The following DDX46 variants were observed in gnomAD, a reference collection of about 807,000 sequenced individuals.
The protein encoded by DDX46 is DEAD-box helicase 46, also known as probable ATP-dependent RNA helicase DDX46.
A neutral mutation model predicts 134.9 loss-of-function variants in DDX46; 30 were observed. The ratio of observed to expected loss-of-function variants is 0.22; its 90% CI spans 0.17 to 0.30. DDX46 has a LOEUF of 0.30. Among genes scored for constraint, DDX46 ranks in the 10% least tolerant of loss-of-function variants. The pLI is 1.00. For missense variants in DDX46, 622 were observed against 1,248.7 expected (o/e 0.50, Z 7.56); for synonymous variants, 415 against 404.1 (o/e 1.03, Z -0.32).
chr5:134,787,830 T>C (rs1169236139), intron 11 of DDX46, among the ~76,000 whole-genome samples: 1 of 150,554 alleles, frequency 6.6e-6, no homozygotes, highest in Non-Finnish European at 1.5e-5. Context: ...GGCAATGTAG[T>C]GAGACCCCAT....
Position 134,782,085 on chromosome 5 carries a change from A to C in DDX46, c.1044A>C (p.Glu348Asp). The C allele has an allele frequency of 6.3e-7, 1 of 1,582,890 alleles. No individual in the cohort carries two copies. The highest frequency in any genetic ancestry group is 8.5e-7 in the Non-Finnish European group (1 of 1,172,178). ...CAGAACTAGCAAAAATGTCTCAAGAAGGTAAAATTCCATTTTTTCATTTAC... is the reference window on the plus strand; with the variant it reads ...CAGAACTAGCAAAAATGTCTCAAGACGGTAAAATTCCATTTTTTCATTTAC... ...EVPELAKMSQ[E>D]EVNVFRLEME... Residue 348 changes from glutamate (E) to aspartate (D), a missense_variant and splice_region_variant, in exon 8 of 23, where the codon GAA (glutamate) becomes GAC (aspartate). Around this residue, in one of 8 missense-constraint regions of DDX46, gnomAD observed 63 missense variants for 84.0 expected, o/e 0.75. Coordinates refer to ENST00000452510, the MANE Select transcript of DDX46 (RefSeq NM_001300860.2).
intron 21 of DDX46, 106 bp downstream of exon 21, chr5:134,819,110 AAG>A: frequency 8.1e-7 from 1 of 1,231,564 alleles, no homozygotes; most frequent in Non-Finnish European, 1.1e-6. Context: ...AACTGAAAGT[AAG>A]AAACACCTCT....
Position 134,811,277 on chromosome 5 carries a change from T to C in DDX46, c.2205T>C (p.Ile735=). The change falls in exon 17 of 23, where the codon ATT becomes ATC. Residue 735 remains isoleucine, a synonymous_variant. Transcript: ENST00000452510. ...AAGCTCGCTATGCTGGTGACATAAT[T>C]AAAGCTCTTGAATTGTCAGGGACTG... is the stretch of plus-strand genomic sequence containing the variant. ...EDQARYAGDI[I]KALELSGTAV... is the part of the protein sequence containing the mutation. 1 of 1,614,064 alleles carries C rather than the reference T, an allele frequency of 6.2e-7. No individual in the cohort carries two copies.
intron 21 of DDX46, among the ~76,000 whole-genome samples, chr5:134,820,230 A>G (rs934710890): frequency 5.3e-5 from 8 of 152,254 alleles, no homozygotes; most frequent in East Asian, 1.9e-4. Context: ...CACTTTATTT[A>G]TATTTAACAT....
In DDX46 at chr5:134,811,852, A is replaced by G. The variant is rs766747357; in HGVS notation, c.2436+7A>G. 7 of 1,604,078 alleles carry G rather than the reference A, an allele frequency of 4.4e-6. No individual in the cohort carries two copies. The African/African-American group carries it at 6.7e-5, about 15-fold the overall frequency. On this transcript the variant is annotated splice_region_variant and intron_variant, in intron 18 of 22. Transcript: ENST00000452510. Reference sequence around the variant, plus strand: ...TGAGGATGCTGCAGTTGATGTAAGTACTATTATTCTCTCATTCTTAATTGA... The same window carrying G: ...TGAGGATGCTGCAGTTGATGTAAGTGCTATTATTCTCTCATTCTTAATTGA...
In DDX46 at chr5:134,828,879, A is replaced by G. The variant is rs1755661327; in HGVS notation, c.*173A>G. ...AAATCTGTCCGTAAGTACCCCCACA[A>G]TCAGTCAAACTATATTTAAAGCCAG... is the stretch of plus-strand genomic sequence containing the variant. On this transcript the variant is annotated 3_prime_UTR_variant, in exon 23 of 23. Coordinates refer to ENST00000452510, the MANE Select transcript of DDX46 (RefSeq NM_001300860.2). The G allele has an allele frequency of 1.2e-5, 5 of 402,568 alleles. No individual in the cohort carries two copies. Among genetic ancestry groups the G allele is most frequent in the Non-Finnish European group, 2.1e-5 (5 of 232,748 alleles). 24.9% of individuals were successfully genotyped at this position (402,568 alleles called of 1,614,324 possible).
At chr5:134,804,742 G>T in intron 15 of DDX46, 2 of 261,980 alleles carry the variant, frequency 7.6e-6, no homozygotes, top group Non-Finnish European at 1.6e-5. Context: ...ATTTTTTTTA[G>T]TCTTTTAATT....
chr5:134,781,694 C>T (rs1294833558), intron 7 of DDX46, among the ~76,000 whole-genome samples: 1 of 152,032 alleles, frequency 6.6e-6, no homozygotes, highest in Non-Finnish European at 1.5e-5. Context: ...CTGCTTGATA[C>T]GTTTCTAATT....
At chr5:134,800,241 C>T (rs938326762) in intron 15 of DDX46, among the ~76,000 whole-genome samples, 3 of 152,172 alleles carry the variant, frequency 2.0e-5, no homozygotes, top group African/African-American at 7.2e-5. Context: ...AGCTCCTGCA[C>T]CTGGCCTGAG....
Position 134,811,355 on chromosome 5 carries a change from A to G in DDX46, c.2283A>G (p.Lys761=), listed in dbSNP as rs1475537623. 6.2e-7 allele frequency: 1 copy of G among 1,613,844 alleles called. No individual in the cohort carries two copies. Among genetic ancestry groups the G allele is most frequent in the Non-Finnish European group, 8.5e-7 (1 of 1,179,914 alleles). ...GGAGTGATTTCAAAGATCAGCAGAA[A>G]GCTGTGAGTTTTTAACCCATGTTAC... The part of the protein sequence containing the change: ...KLWSDFKDQQ[K]AEGKIIKKSS... Residue 761 remains lysine (K), a synonymous_variant, in exon 17 of 23, where the codon AAA becomes AAG. Coordinates refer to ENST00000452510, the MANE Select transcript of DDX46 (RefSeq NM_001300860.2).
At chr5:134,766,705 G>A (rs1205385384) in intron 2 of DDX46, among the ~76,000 whole-genome samples, 1 of 152,188 alleles carries the variant, frequency 6.6e-6, no homozygotes, top group Non-Finnish European at 1.5e-5. Flanking sequence ...TGGGTGACAG[G>A]TGTGAGACTT....
intron 18 of DDX46, among the ~76,000 whole-genome samples, chr5:134,813,237 C>A (rs1755197820): frequency 1.3e-5 from 2 of 152,222 alleles, no homozygotes; most frequent in African/African-American, 4.8e-5. Flanking sequence ...GCCACCACGC[C>A]CGACCACATT....
At chr5:134,825,876 A>T (rs1755575997) in intron 21 of DDX46, 1 of 152,160 alleles carries the variant, frequency 6.6e-6, no homozygotes, top group South Asian at 2.1e-4. Flanking sequence ...AATTTCACCC[A>T]TTATCACTGT....
At chr5:134,802,159 CTTTTTTTT>C (rs542615882) in intron 15 of DDX46, among the ~76,000 whole-genome samples, 3 of 73,284 alleles carry the variant, frequency 4.1e-5, no homozygotes, top group Admixed American at 3.1e-4. Context: ...TAATTTCTTT[CTTTTTTTT>C]TTTTTTTTTT....
At chr5:134,771,104 TTTTCTGTCTGTCTTTC>T in intron 4 of DDX46, 105 bp downstream of exon 4, 1 of 581,258 alleles carries the variant, frequency 1.7e-6, no homozygotes, top group South Asian at 2.2e-5. Flanking sequence ...TCTTTCTTTC[TTTTCTGTCTGTCTTTC>T]TTTCTGTCTT....
chr5:134,767,152 T>G, intron 3 of DDX46, 92 bp downstream of exon 3: 2 of 1,454,964 alleles, frequency 1.4e-6, no homozygotes, highest in Non-Finnish European at 9.1e-7. Flanking sequence ...AGTTTGTATT[T>G]ATAGAGAATT....
chr5:134,780,932 G>A, intron 6 of DDX46: 1 of 380,320 alleles, frequency 2.6e-6, no homozygotes, highest in Non-Finnish European at 4.7e-6. Context: ...CAGGAGGACT[G>A]ATGGGACGAA....
chr5:134,795,989 T>C lies in DDX46; in HGVS notation c.1793T>C (p.Ile598Thr). ...VVCSDVEQQV[I>T]VIEEEKKFLK... ...CTTGATACAATATGGTGTTTTCAGA[T>C]TGTGATTGAAGAAGAAAAGAAATTC... The change falls in exon 15 of 23, where the codon ATT (isoleucine) becomes ACT (threonine). Residue 598 changes from isoleucine to threonine, a missense_variant and splice_region_variant. By Grantham distance (89) the Ile-to-Thr change is moderately conservative. Transcript: ENST00000452510. 5 of 1,612,556 alleles carry C rather than the reference T, an allele frequency of 3.1e-6. No homozygotes were observed. The East Asian group carries it at 1.1e-4, about 36-fold the overall frequency.
At position 134,777,598 on chromosome 5, in the gene DDX46, C is replaced by G; in HGVS notation, c.638C>G (p.Ala213Gly). 4 of 1,612,910 alleles carry G rather than the reference C, an allele frequency of 2.5e-6. No homozygotes were observed. In the South Asian group the frequency reaches 4.4e-5, roughly 18 times the overall value. The change falls in exon 6 of 23, where the codon GCT becomes GGT. Residue 213 changes from alanine to glycine, a missense_variant. Coordinates refer to ENST00000452510, the MANE Select transcript of DDX46 (RefSeq NM_001300860.2). The stretch of plus-strand genomic sequence containing the variant: ...GATGACGAAGATGATCCTGCAGAAG[C>G]TGAAAAGGAGGGAAATGAAATGGAG... ...DDDDEDDPAEAEKEGNEMEGE... is the reference protein window; with the variant it reads ...DDDDEDDPAEGEKEGNEMEGE...
Sources: gnomAD v4.1 joint callset for allele counts (sites outside exome capture counted in the v4.1 genomes callset) on GRCh38, gnomAD v4.1.1 for gene constraint, gnomAD v4.1.1 regional missense constraint, MANE v1.5 for transcripts, NCBI Gene and HGNC (gene_info 2026-07-23, HGNC 2026-07-21) for gene names.